Variants in NOS1 observed in about 807,000 individuals in gnomAD.
NOS1 encodes the protein NOS type I.
In NOS1, 51 loss-of-function variants were observed where a neutral mutation model predicts 164.5. The observed-to-expected ratio is 0.31, with a 90% CI of 0.25 to 0.39. The LOEUF (loss-of-function observed/expected upper bound fraction) is 0.39, where lower values mean the gene tolerates loss of function less well. NOS1 is among the 10% of genes least tolerant of loss of function. The probability of loss-of-function intolerance (pLI) is 1.00; values close to 1 mark genes in which losing one functional copy is unlikely to be tolerated. For synonymous variants in NOS1, 719 were observed against 745.8 expected (o/e 0.96, Z 0.59); for missense variants, 1,362 against 1,885.6 (o/e 0.72, Z 5.14).
intron 22 of NOS1, among the ~76,000 whole-genome samples, chr12:117,231,092 C>T (rs1343042506): frequency 1.3e-5 from 2 of 151,862 alleles, no homozygotes; most frequent in East Asian, 3.9e-4. Flanking sequence ...TTTTGGGAGG[C>T]CGAGGTGGGT....
chr12:117,328,110 GCCCATCCCCTCT>G lies in NOS1; in HGVS notation c.725+2223_725+2234del, dbSNP rs554366034. Among the ~76,000 whole-genome samples, 537 of 152,158 alleles carry G rather than the reference GCCCATCCCCTCT, an allele frequency of 3.5e-3. 5 individuals are homozygous for G. The highest frequency in any genetic ancestry group is 6.5e-3 in the Non-Finnish European group (442 of 67,974). ...ACAGGATCTTCTCTCTACCTGGAGT[GCCCATCCCCTCT>G]CCCACCCCCTAGAAAGCTGCCAGAC... On this transcript the variant is annotated intron_variant, in intron 2 of 28. Transcript: ENST00000317775.
chr12:117,313,393 C>T (rs983239297), intron 2 of NOS1, among the ~76,000 whole-genome samples: 33 of 152,086 alleles, frequency 2.2e-4, no homozygotes, highest in African/African-American at 7.7e-4. Context: ...CTCCTAGGCT[C>T]GAGCGATCCT....
In NOS1 at chr12:117,330,688, G is replaced by C. The variant is rs1203554556; in HGVS notation, c.382C>G (p.Pro128Ala). Reference protein sequence around the residue: ...KTIRVTQPLGPPTKAVDLSHQ... With the variant: ...KTIRVTQPLGAPTKAVDLSHQ... ...GACAGATCCACGGCTTTGGTGGGGGGACCCAGGGGCTGTGTCACCCGGATG... is the reference window on the plus strand; with the variant it reads ...GACAGATCCACGGCTTTGGTGGGGGCACCCAGGGGCTGTGTCACCCGGATG... The change falls in exon 2 of 29, where the codon CCC becomes GCC. Residue 128 changes from proline (P) to alanine (A), a missense_variant. Physicochemically the swap from Pro to Ala is conservative, Grantham distance 27. Transcript: ENST00000317775. The surrounding 1 kb of genome is among the most constrained non-coding windows in gnomAD (Gnocchi z 4.6). 1 of 1,613,540 alleles carries C rather than the reference G, an allele frequency of 6.2e-7. No homozygotes were observed. Among genetic ancestry groups the C allele is most frequent in the Non-Finnish European group, 8.5e-7 (1 of 1,179,774 alleles).
At chr12:117,223,748 G>A (rs1868402029) in intron 25 of NOS1, among the ~76,000 whole-genome samples, 2 of 151,906 alleles carry the variant, frequency 1.3e-5, no homozygotes, top group South Asian at 2.1e-4. Context: ...TCTGCCTCCC[G>A]GGTTCAAGTG....
At chr12:117,242,413 A>T (rs1176677065) in intron 20 of NOS1, among the ~76,000 whole-genome samples, 2 of 152,236 alleles carry the variant, frequency 1.3e-5, no homozygotes, top group Admixed American at 1.3e-4. Flanking sequence ...TCTTTTCATG[A>T]GACCAATACC....
intron 2 of NOS1, among the ~76,000 whole-genome samples, chr12:117,329,503 C>G (rs1162788305): frequency 6.6e-6 from 1 of 152,026 alleles, no homozygotes; most frequent in Non-Finnish European, 1.5e-5. Context: ...GGGGCTGTAA[C>G]GTCAGTGCCA....
At chr12:117,329,701 G>A (rs1566078640) in intron 2 of NOS1, among the ~76,000 whole-genome samples, 1 of 152,194 alleles carries the variant, frequency 6.6e-6, no homozygotes, top group African/African-American at 2.4e-5. Flanking sequence ...AACACAGAGG[G>A]CTGGTACCCA....
chr12:117,262,511 AG>A, intron 13 of NOS1, among the ~76,000 whole-genome samples: 1 of 148,226 alleles, frequency 6.7e-6, no homozygotes, highest in South Asian at 2.2e-4. Context: ...GAGAGAAGAG[AG>A]AGGAGAGAGA....
At chr12:117,221,241 C>T (rs1205276569) in intron 26 of NOS1, among the ~76,000 whole-genome samples, 1 of 151,914 alleles carries the variant, frequency 6.6e-6, no homozygotes, top group East Asian at 1.9e-4. Flanking sequence ...CAACCTCCGC[C>T]TCCCAGGTTC....
At chr12:117,277,094 T>G (rs1592979580) in intron 9 of NOS1, among the ~76,000 whole-genome samples, 2 of 152,270 alleles carry the variant, frequency 1.3e-5, no homozygotes, top group East Asian at 3.9e-4. Context: ...TAATTTACAT[T>G]GCCACCAACA....
intron 3 of NOS1, among the ~76,000 whole-genome samples, chr12:117,293,428 G>T (rs1873193651): frequency 6.6e-6 from 1 of 152,024 alleles, no homozygotes; most frequent in Non-Finnish European, 1.5e-5. Context: ...CCCCATTTTA[G>T]CTTTTTAACT....
intron 3 of NOS1, among the ~76,000 whole-genome samples, chr12:117,293,167 G>A (rs1873171967): frequency 6.6e-6 from 1 of 152,146 alleles, no homozygotes; most frequent in South Asian, 2.1e-4. Context: ...GTTGGAGCCT[G>A]GGGAACAGGA....
chr12:117,297,828 T>C (rs1873528387), intron 3 of NOS1, among the ~76,000 whole-genome samples: 2 of 152,078 alleles, frequency 1.3e-5, no homozygotes, highest in African/African-American at 4.8e-5. Flanking sequence ...GCCAAGCACC[T>C]GCCCTTCCCT....
chr12:117,337,169 G>T (rs1389438232), intron 1 of NOS1, among the ~76,000 whole-genome samples: 1 of 134,810 alleles, frequency 7.4e-6, no homozygotes, highest in Non-Finnish European at 1.5e-5. Flanking sequence ...AGGCTGGAGT[G>T]CAGTGGCGCG....
intron 3 of NOS1, among the ~76,000 whole-genome samples, chr12:117,303,758 G>A (rs1873975867): frequency 6.6e-6 from 1 of 152,186 alleles, no homozygotes; most frequent in Non-Finnish European, 1.5e-5. Context: ...TAATAAGAAA[G>A]GAAGGCAAGA....
intron 1 of NOS1, among the ~76,000 whole-genome samples, chr12:117,359,904 A>T (rs1382738179): frequency 8.3e-5 from 5 of 60,260 alleles, no homozygotes; most frequent in African/African-American, 2.9e-4. Context: ...ATATATATAT[A>T]TATATATATA....
intron 1 of NOS1, among the ~76,000 whole-genome samples, chr12:117,359,876 T>TTTTATATA (rs1566090779): frequency 4.1e-4 from 15 of 36,964 alleles, no homozygotes; most frequent in Non-Finnish European, 6.1e-4. Context: ...AATAATGGTT[T>TTTTATATA]TATATATATA....
intron 10 of NOS1, among the ~76,000 whole-genome samples, chr12:117,271,329 G>C (rs927175205): frequency 6.6e-6 from 1 of 151,630 alleles, no homozygotes; most frequent in Non-Finnish European, 1.5e-5. Context: ...CCAGGCTGGA[G>C]TACAGTGGCG....
At chr12:117,335,698 T>C (rs1875772835) in intron 1 of NOS1, among the ~76,000 whole-genome samples, 1 of 143,234 alleles carries the variant, frequency 7.0e-6, no homozygotes, top group Non-Finnish European at 1.5e-5. Context: ...GCCCTCTGCA[T>C]AGGGGTTTTA....
Sources: allele counts gnomAD v4.1 joint callset (sites outside exome capture counted in the v4.1 genomes callset), GRCh38; gene constraint gnomAD v4.1.1; non-coding constraint Gnocchi (gnomAD v3.1); transcripts MANE v1.5; gene names NCBI Gene and HGNC (gene_info 2026-07-23, HGNC 2026-07-21).